The following POGLUT3 variants were observed in gnomAD, a reference collection of about 807,000 sequenced individuals.
The protein encoded by POGLUT3 is KDEL (Lys-Asp-Glu-Leu) containing 2.
In POGLUT3, 48 loss-of-function variants were observed where a neutral mutation model predicts 54.3. The ratio of observed to expected loss-of-function variants is 0.88; its 90% CI spans 0.70 to 1.12. POGLUT3 has a LOEUF of 1.12. POGLUT3 is among the 50% of genes most tolerant of loss of function. The pLI, the probability that POGLUT3 is intolerant of heterozygous loss-of-function variation, is 0.00. For missense variants in POGLUT3, 629 were observed against 618.7 expected (o/e 1.02, Z -0.18); for synonymous variants, 218 against 237.4 (o/e 0.92, Z 0.75).
At chr11:108,484,779 A>T (rs2093599651) in intron 3 of POGLUT3, among the ~76,000 whole-genome samples, 1 of 151,880 alleles carries the variant, frequency 6.6e-6, no homozygotes, top group South Asian at 2.1e-4. Flanking sequence ...AAACAAACAA[A>T]CAAAAAAACT....
chr11:108,489,655 C>T (rs2093609598), intron 2 of POGLUT3, among the ~76,000 whole-genome samples: 1 of 152,130 alleles, frequency 6.6e-6, no homozygotes, highest in Non-Finnish European at 1.5e-5. Context: ...GGCATGGTGG[C>T]TCATGCCTGT....
At chr11:108,495,836 G>C (rs553689395) in intron 1 of POGLUT3, among the ~76,000 whole-genome samples, 1 of 152,018 alleles carries the variant, frequency 6.6e-6, no homozygotes, top group Admixed American at 6.6e-5. Context: ...ATCTTGCTAT[G>C]TTGCCCAGGC....
chr11:108,495,648 C>CA (rs927064005), intron 1 of POGLUT3, among the ~76,000 whole-genome samples: 2 of 152,038 alleles, frequency 1.3e-5, no homozygotes, highest in Non-Finnish European at 2.9e-5. Context: ...TAAGGTTGTC[C>CA]AAAAAGTTCC....
intron 1 of POGLUT3, among the ~76,000 whole-genome samples, chr11:108,495,702 G>A (rs186892496): frequency 1.6e-4 from 25 of 151,764 alleles, no homozygotes; most frequent in East Asian, 3.9e-4. Context: ...TATGTTGCCC[G>A]GGCTGGAGTG....
chr11:108,473,048 A>ATATTTT lies in POGLUT3; in HGVS notation c.*1773_*1778dup, dbSNP rs1490030790. ...GTAAATATTTCAGTTAGGAGAATAC[A>ATATTTT]TATTTTTATTTTTATTTTCAGTTTT... On this transcript the variant is annotated 3_prime_UTR_variant, in exon 8 of 8. Coordinates refer to ENST00000323468, the MANE Select transcript of POGLUT3 (RefSeq NM_153705.5). 1 of 151,926 alleles carries ATATTTT rather than the reference A, an allele frequency of 6.6e-6. No individual in the cohort carries two copies. The highest frequency in any genetic ancestry group is 2.1e-4 in the South Asian group (1 of 4,810). 9.4% of individuals were successfully genotyped at this position (151,926 alleles called of 1,614,324 possible). A position where few individuals can be genotyped will look rare whatever the true frequency, so the allele number is the denominator to read the frequency against.
intron 7 of POGLUT3, among the ~76,000 whole-genome samples, chr11:108,477,008 A>G (rs771497704): frequency 2.6e-5 from 4 of 152,208 alleles, no homozygotes; most frequent in Non-Finnish European, 5.9e-5. Context: ...TCAATAAAGC[A>G]TTTAATAAAA....
intron 7 of POGLUT3, 114 bp from the exon 8 acceptor site, chr11:108,475,066 A>G (rs1484782159): frequency 9.1e-7 from 1 of 1,096,494 alleles, no homozygotes; most frequent in African/African-American, 1.6e-5. Flanking sequence ...GTGTGTCTGC[A>G]GACTAAAACC....
Position 108,477,439 on chromosome 11 carries a change from C to G in POGLUT3, c.1398+168G>C, listed in dbSNP as rs1591639198. ...ACAAAAAACAAAAAAAAGGGGGCCA[C>G]CAAATGAAGACTTAGCACTATCTTT... is the stretch of plus-strand genomic sequence containing the variant. On this transcript the variant is annotated intron_variant, in intron 7 of 7. Transcript: ENST00000323468. Among the ~76,000 whole-genome samples, 4 of 151,974 alleles carry G rather than the reference C, an allele frequency of 2.6e-5. No individual in the cohort carries two copies. In the South Asian group the frequency reaches 8.3e-4, roughly 32 times the overall value.
At chr11:108,481,112 C>G in intron 5 of POGLUT3, 68 bp downstream of exon 5, 1 of 1,274,532 alleles carries the variant, frequency 7.8e-7, no homozygotes, top group Non-Finnish European at 1.1e-6. Flanking sequence ...CTGAAGCCCA[C>G]CTATTTTGGT....
intron 1 of POGLUT3, among the ~76,000 whole-genome samples, chr11:108,495,031 T>C (rs1170079020): frequency 6.6e-6 from 1 of 152,230 alleles, no homozygotes; most frequent in Non-Finnish European, 1.5e-5. Flanking sequence ...TGAGATGTCC[T>C]GCTTTAGATC....
At chr11:108,494,220 G>C (rs2093618253) in intron 1 of POGLUT3, among the ~76,000 whole-genome samples, 1 of 152,194 alleles carries the variant, frequency 6.6e-6, no homozygotes, top group Non-Finnish European at 1.5e-5. Flanking sequence ...CACAGTTGGA[G>C]GAATACTTCT....
chr11:108,475,070 TA>T, intron 7 of POGLUT3, 118 bp from the exon 8 acceptor site: 1 of 1,060,110 alleles, frequency 9.4e-7, no homozygotes, highest in Non-Finnish European at 1.4e-6. Flanking sequence ...GTCTGCAGAC[TA>T]AAACCAAAGG....
At chr11:108,490,443 C>T (rs2093611136) in intron 2 of POGLUT3, among the ~76,000 whole-genome samples, 1 of 152,052 alleles carries the variant, frequency 6.6e-6, no homozygotes, top group Admixed American at 6.6e-5. Flanking sequence ...TCAAGCCATC[C>T]ACTCGCCTCA....
At chr11:108,477,509 CTG>C in intron 7 of POGLUT3, 96 bp downstream of exon 7, 1 of 719,068 alleles carries the variant, frequency 1.4e-6, no homozygotes, top group Middle Eastern at 3.2e-4. Flanking sequence ...ATAGGCTTGA[CTG>C]TGAGTCCTTC....
Position 108,474,800 on chromosome 11 carries a change from T to A in POGLUT3, c.*27A>T, listed in dbSNP as rs770726032. 1.2e-6 allele frequency: 2 copies of A among 1,613,408 alleles called. No homozygotes were observed. Among genetic ancestry groups the A allele is most frequent in the Admixed American group, 3.3e-5 (2 of 59,964 alleles). On this transcript the variant is annotated 3_prime_UTR_variant, in exon 8 of 8. Transcript: ENST00000323468. The stretch of plus-strand genomic sequence containing the variant: ...ATCTTTCCTTAAAGTGTAGCCGGGA[T>A]ACACAGGAGTGTGATTCTGGGCTGA...
Position 108,481,222 on chromosome 11 carries a change from C to A in POGLUT3, c.1056G>T (p.Glu352Asp). Reference protein sequence around the residue: ...GYFFFQEKEKELGKAKLMGFF... With the variant: ...GYFFFQEKEKDLGKAKLMGFF... ...AACCCATCAACTTGGCTTTTCCAAG[C>A]TCCTTTTCTTTCTCTTGGAAAAAGA... The change falls in exon 5 of 8, where the codon GAG (glutamate) becomes GAT (aspartate). Residue 352 changes from glutamate to aspartate, a missense_variant. Glu to Asp is a conservative substitution (Grantham distance 45, BLOSUM62 2). Transcript: ENST00000323468. 1.2e-6 allele frequency: 2 copies of A among 1,610,920 alleles called. No individual in the cohort carries two copies. Among genetic ancestry groups the A allele is most frequent in the Non-Finnish European group, 1.7e-6 (2 of 1,179,244 alleles).
intron 6 of POGLUT3, among the ~76,000 whole-genome samples, chr11:108,478,866 T>C (rs555126305): frequency 1.3e-5 from 2 of 152,346 alleles, no homozygotes; most frequent in South Asian, 2.1e-4. Flanking sequence ...TCCTATTTTA[T>C]AGGAAACGTG....
chr11:108,491,095 G>A lies in POGLUT3; in HGVS notation c.275C>T (p.Pro92Leu), dbSNP rs2093612375. The change falls in exon 2 of 8, where the codon CCT (proline) becomes CTT (leucine). Residue 92 changes from proline to leucine, a missense_variant. Pro to Leu is a moderately conservative substitution (Grantham distance 98, BLOSUM62 -3). Coordinates refer to ENST00000323468, the MANE Select transcript of POGLUT3 (RefSeq NM_153705.5). ...KELVRIHVPK[P>L]LDRNDGTFLM... ...AAATGTTCCATCATTCCTGTCCAAA[G>A]GTTTAGGGACATGTATCCGGACCAA... is the stretch of plus-strand genomic sequence containing the variant. 1.2e-6 allele frequency: 2 copies of A among 1,613,890 alleles called. No individual in the cohort carries two copies. The highest frequency in any genetic ancestry group is 1.1e-5 in the South Asian group (1 of 91,066).
intron 1 of POGLUT3, among the ~76,000 whole-genome samples, chr11:108,497,800 C>A (rs562061992): frequency 6.6e-6 from 1 of 152,222 alleles, no homozygotes; most frequent in Non-Finnish European, 1.5e-5. Flanking sequence ...TGATGACTCA[C>A]CACTGGAAAG....
Sources: gnomAD v4.1 joint callset for allele counts (sites outside exome capture counted in the v4.1 genomes callset) on GRCh38, gnomAD v4.1.1 for gene constraint, MANE v1.5 for transcripts, NCBI Gene and HGNC (gene_info 2026-07-23, HGNC 2026-07-21) for gene names.